The following CHCHD6 variants were observed in gnomAD, a reference collection of about 807,000 sequenced individuals.
The protein encoded by CHCHD6 is coiled-coil-helix-coiled-coil-helix domain containing 6, also known as MICOS complex subunit MIC25.
Under a neutral mutation model 32.3 loss-of-function variants are expected in CHCHD6, and 28 were observed. The ratio of observed to expected loss-of-function variants is 0.87; its 90% CI spans 0.64 to 1.19. CHCHD6 has a LOEUF of 1.19. Among genes scored for constraint, CHCHD6 ranks in the 50% most tolerant of loss-of-function variants. CHCHD6 has a pLI of 0.00. For missense variants in CHCHD6, 333 were observed against 307.0 expected, an observed-to-expected ratio of 1.08 and a Z score of -0.63; for synonymous variants, 122 against 117.5, an observed-to-expected ratio of 1.04 and a Z score of -0.25.
intron 4 of CHCHD6, among the ~76,000 whole-genome samples, chr3:126,808,561 G>C (rs1051904536): frequency 6.6e-6 from 1 of 152,156 alleles, no homozygotes. Context: ...AGACACTTTT[G>C]TACACAGTGA....
At chr3:126,751,201 C>T (rs1312044214) in intron 4 of CHCHD6, among the ~76,000 whole-genome samples, 1 of 149,864 alleles carries the variant, frequency 6.7e-6, no homozygotes, top group African/African-American at 2.5e-5. Flanking sequence ...AGTTCTTTTT[C>T]TCACTAATAA....
chr3:126,843,975 A>G (rs1294329460), intron 4 of CHCHD6, among the ~76,000 whole-genome samples: 1 of 152,168 alleles, frequency 6.6e-6, no homozygotes, highest in Non-Finnish European at 1.5e-5. Flanking sequence ...TTTAGGAACT[A>G]CTTTTTCTTT....
At chr3:126,915,649 A>G (rs1304636897) in intron 6 of CHCHD6, among the ~76,000 whole-genome samples, 1 of 152,236 alleles carries the variant, frequency 6.6e-6, no homozygotes. Context: ...CTCATGAGAA[A>G]GAAGTGTCAG....
chr3:126,857,099 G>C lies in CHCHD6; in HGVS notation c.495+4369G>C, dbSNP rs551964197. Among the ~76,000 whole-genome samples the C allele has an allele frequency of 2.6e-5, 4 of 152,218 alleles. No individual in the cohort carries two copies. In the South Asian group the frequency reaches 6.2e-4, roughly 24 times the overall value. On this transcript the variant is annotated intron_variant, in intron 5 of 7. Coordinates refer to ENST00000290913, the MANE Select transcript of CHCHD6 (RefSeq NM_032343.3). ...ATTTACTCCACATCAATTTAAGTCT[G>C]CTAAATGCCAGGTGCAGAGATGGCT...
At chr3:126,934,199 T>C (rs1381943744) in intron 6 of CHCHD6, among the ~76,000 whole-genome samples, 1 of 152,224 alleles carries the variant, frequency 6.6e-6, no homozygotes, top group African/African-American at 2.4e-5. Flanking sequence ...TACCAGCAGA[T>C]TCCTAAAGGA....
chr3:126,782,714 C>T (rs1938005514), intron 4 of CHCHD6, among the ~76,000 whole-genome samples: 1 of 152,166 alleles, frequency 6.6e-6, no homozygotes, highest in African/African-American at 2.4e-5. Context: ...CCATCTCATA[C>T]TTGATTGCTT....
At chr3:126,730,455 C>T in intron 2 of CHCHD6, 106 bp from the exon 3 acceptor site, 1 of 886,904 alleles carries the variant, frequency 1.1e-6, no homozygotes, top group South Asian at 1.6e-5. Context: ...TGCTGCCTTC[C>T]AAGGGGCACA....
At chr3:126,941,711 AT>A (rs1005929355) in intron 6 of CHCHD6, among the ~76,000 whole-genome samples, 1 of 152,190 alleles carries the variant, frequency 6.6e-6, no homozygotes, top group African/African-American at 2.4e-5. Flanking sequence ...AGATTCCCTG[AT>A]TTTTTACATG....
intron 4 of CHCHD6, among the ~76,000 whole-genome samples, chr3:126,813,542 A>G (rs1939749951): frequency 2.0e-5 from 3 of 152,234 alleles, no homozygotes; most frequent in South Asian, 4.1e-4. Context: ...AGGAGCTTTC[A>G]CCCACATGAG....
intron 4 of CHCHD6, among the ~76,000 whole-genome samples, chr3:126,765,510 A>T (rs906644766): frequency 6.6e-6 from 1 of 152,234 alleles, no homozygotes; most frequent in African/African-American, 2.4e-5. Flanking sequence ...GAGCTGAGTC[A>T]GCAGAACGGT....
chr3:126,927,795 A>G (rs2078346187), intron 6 of CHCHD6, among the ~76,000 whole-genome samples: 1 of 152,020 alleles, frequency 6.6e-6, no homozygotes, highest in Non-Finnish European at 1.5e-5. Context: ...ATCAGTAGAG[A>G]GGTTACCGCT....
intron 4 of CHCHD6, among the ~76,000 whole-genome samples, chr3:126,746,722 C>T (rs1559819753): frequency 1.3e-5 from 2 of 152,204 alleles, no homozygotes; most frequent in African/African-American, 2.4e-5. Flanking sequence ...TTTCGATAGC[C>T]TATTGTGTGC....
chr3:126,913,401 T>A (rs189676554), intron 5 of CHCHD6, among the ~76,000 whole-genome samples: 2,093 of 151,788 alleles, frequency 0.014, 19 homozygotes, highest in Non-Finnish European at 0.022. Flanking sequence ...AGCTAATTTT[T>A]TTTTTGTATT....
At chr3:126,957,384 GC>G in intron 6 of CHCHD6, 31 bp from the exon 7 acceptor site, 1 of 1,602,340 alleles carries the variant, frequency 6.2e-7, no homozygotes, top group South Asian at 1.1e-5. Context: ...TGGCACCTGA[GC>G]CCCAGGCCTG....
intron 4 of CHCHD6, among the ~76,000 whole-genome samples, chr3:126,841,765 A>G (rs917594830): frequency 6.6e-6 from 1 of 151,792 alleles, no homozygotes; most frequent in Non-Finnish European, 1.5e-5. Flanking sequence ...TTTTTTTTTA[A>G]TTAACTGGGC....
At chr3:126,744,325 T>C (rs1427208707) in intron 4 of CHCHD6, among the ~76,000 whole-genome samples, 1 of 152,264 alleles carries the variant, frequency 6.6e-6, no homozygotes, top group East Asian at 1.9e-4. Context: ...TCAAGCCGAT[T>C]GTGTTTGCCC....
intron 4 of CHCHD6, among the ~76,000 whole-genome samples, chr3:126,822,985 A>T (rs1940216959): frequency 6.6e-6 from 1 of 151,956 alleles, no homozygotes; most frequent in African/African-American, 2.4e-5. Flanking sequence ...GGCTCACTGC[A>T]GCCTCAGCCT....
intron 4 of CHCHD6, among the ~76,000 whole-genome samples, chr3:126,840,243 G>A (rs1268095490): frequency 1.3e-5 from 2 of 152,126 alleles, no homozygotes. Flanking sequence ...GTAGGGGAAG[G>A]TGGGAGCTGC....
intron 4 of CHCHD6, among the ~76,000 whole-genome samples, chr3:126,839,543 C>T (rs1233337376): frequency 6.6e-6 from 1 of 152,196 alleles, no homozygotes; most frequent in Middle Eastern, 3.4e-3. Context: ...TTCTCATTTT[C>T]GGCCGGAACC....
Sources: allele counts gnomAD v4.1 joint callset (sites outside exome capture counted in the v4.1 genomes callset), GRCh38; gene constraint gnomAD v4.1.1; transcripts MANE v1.5; gene names NCBI Gene and HGNC (gene_info 2026-07-23, HGNC 2026-07-21).